The following EXPH5 variants were observed in gnomAD, a reference collection of about 807,000 sequenced individuals.
EXPH5 encodes exophilin-5.
A neutral mutation model predicts 41.1 loss-of-function variants in EXPH5; 42 were observed. That is an observed-to-expected ratio of 1.02 (90% CI 0.80 to 1.32). The LOEUF (loss-of-function observed/expected upper bound fraction) is 1.32, where lower values mean the gene tolerates loss of function less well. Among genes scored for constraint, EXPH5 ranks in the 40% most tolerant of loss-of-function variants. The pLI, the probability that EXPH5 is intolerant of heterozygous loss-of-function variation, is 0.00. For synonymous variants in EXPH5, 798 were observed against 833.5 expected (o/e 0.96, Z 0.73); for missense variants, 2,298 against 2,314.5 (o/e 0.99, Z 0.15).
intron 5 of EXPH5, among the ~76,000 whole-genome samples, chr11:108,516,300 C>T (rs887063266): frequency 1.2e-4 from 19 of 152,066 alleles, no homozygotes; most frequent in Admixed American, 3.9e-4. Flanking sequence ...CAAGCCCAGA[C>T]CCAGGGCTCA....
chr11:108,561,405 T>C (rs2094011175), intron 1 of EXPH5, among the ~76,000 whole-genome samples: 1 of 152,172 alleles, frequency 6.6e-6, no homozygotes, highest in African/African-American at 2.4e-5. Flanking sequence ...TCTATTCTCT[T>C]TGCCAACACC....
At chr11:108,531,823 TC>T (rs2093839850) in intron 3 of EXPH5, among the ~76,000 whole-genome samples, 1 of 152,178 alleles carries the variant, frequency 6.6e-6, no homozygotes, top group Non-Finnish European at 1.5e-5. Context: ...TCGCAGTCCT[TC>T]CTATCCACCT....
intron 3 of EXPH5, 55 bp from the exon 4 acceptor site, chr11:108,528,239 C>G (rs773995500): frequency 7.9e-7 from 1 of 1,266,232 alleles, no homozygotes; most frequent in East Asian, 2.3e-5. Flanking sequence ...TTTTACCAGG[C>G]GGAAAAATCA....
chr11:108,598,546 T>C (rs561383276), upstream of EXPH5, among the ~76,000 whole-genome samples: 1 of 152,010 alleles, frequency 6.6e-6, no homozygotes, highest in East Asian at 1.9e-4. Flanking sequence ...CAGAGTGATA[T>C]GGTGGAGAGT....
chr11:108,572,018 C>T (rs1484350939), intron 1 of EXPH5, among the ~76,000 whole-genome samples: 1 of 151,254 alleles, frequency 6.6e-6, no homozygotes, highest in Non-Finnish European at 1.5e-5. Flanking sequence ...CCACTGCACT[C>T]CAGCCTGGGT....
intron 1 of EXPH5, among the ~76,000 whole-genome samples, chr11:108,566,311 T>C (rs1483484265): frequency 6.6e-6 from 1 of 152,050 alleles, no homozygotes; most frequent in Non-Finnish European, 1.5e-5. Flanking sequence ...CATTCCCCAA[T>C]GGATGAGTGG....
chr11:108,514,818 G>A lies in EXPH5; in HGVS notation c.689C>T (p.Thr230Ile), dbSNP rs958745690. Reference sequence around the variant, plus strand: ...TGATCCATAGTTGAGGGGTGTTCTGGTATTCACTGAGCTTGCAGACTGTTC... The same window carrying A: ...TGATCCATAGTTGAGGGGTGTTCTGATATTCACTGAGCTTGCAGACTGTTC... ...AQEQSASSVN[T>I]RTPLNYGSRT... Residue 230 changes from threonine (T) to isoleucine (I), a missense_variant, in exon 6 of 6, where the codon ACC becomes ATC. Thr to Ile is a moderately conservative substitution (Grantham distance 89). Coordinates refer to ENST00000265843, the MANE Select transcript of EXPH5 (RefSeq NM_015065.3). 5.1e-6 allele frequency: 8 copies of A among 1,573,214 alleles called. No homozygotes were observed. The highest frequency in any genetic ancestry group is 1.7e-4 in the Middle Eastern group (1 of 5,896).
intron 1 of EXPH5, among the ~76,000 whole-genome samples, chr11:108,578,731 T>C (rs915453684): frequency 3.3e-5 from 5 of 152,338 alleles, no homozygotes; most frequent in African/African-American, 9.6e-5. Context: ...ATAGTTTTCA[T>C]TGTAGAGATC....
At chr11:108,581,798 C>T (rs994473637) in intron 1 of EXPH5, among the ~76,000 whole-genome samples, 1 of 151,902 alleles carries the variant, frequency 6.6e-6, no homozygotes, top group African/African-American at 2.4e-5. Context: ...ATTATCAATA[C>T]CAGGAATGAA....
At position 108,593,432 on chromosome 11, in the gene EXPH5, C is replaced by G; in HGVS notation, c.105G>C (p.Glu35Asp). 1 of 1,613,980 alleles carries G rather than the reference C, an allele frequency of 6.2e-7. No homozygotes were observed. The highest frequency in any genetic ancestry group is 8.5e-7 in the Non-Finnish European group (1 of 1,179,802). The change falls in exon 1 of 6, where the codon GAG (glutamate) becomes GAC (aspartate). Residue 35 changes from glutamate (E) to aspartate (D), a missense_variant. Physicochemically the swap from Glu to Asp is conservative, Grantham distance 45. Coordinates refer to ENST00000265843, the MANE Select transcript of EXPH5 (RefSeq NM_015065.3). Reference protein sequence around the residue: ...LERNEELQRAEKDRISKLQKT... With the variant: ...LERNEELQRADKDRISKLQKT... ...TTGCTCTGTACCTGATCCTGTCCTT[C>G]TCGGCCCTCTGTAACTCCTCATTCC...
At chr11:108,604,284 T>C in the EXPH5 span, among the ~76,000 whole-genome samples, 6 of 150,764 alleles carry the variant, frequency 4.0e-5, no homozygotes, top group Middle Eastern at 3.2e-3. Context: ...TAGTCCCAGC[T>C]ACTTAGGTGG....
intron 1 of EXPH5, among the ~76,000 whole-genome samples, chr11:108,566,661 TG>T (rs1299122756): frequency 6.6e-6 from 1 of 152,036 alleles, no homozygotes; most frequent in Non-Finnish European, 1.5e-5. Flanking sequence ...AAGAATGGCC[TG>T]GGCAACATGG....
At chr11:108,566,252 T>C (rs2094033977) in intron 1 of EXPH5, among the ~76,000 whole-genome samples, 2 of 152,134 alleles carry the variant, frequency 1.3e-5, no homozygotes, top group Non-Finnish European at 1.5e-5. Context: ...GGGAATAAAC[T>C]CCACTAAGGC....
chr11:108,514,485 C>T lies in EXPH5; in HGVS notation c.1022G>A (p.Ser341Asn), dbSNP rs1213695838. ...LPATGHFTAR[S>N]LHFPATTQSK... ...CTGAGTTGTGGCTGGAAAATGTAAG[C>T]TTCTTGCTGTGAAATGCCCTGTGGC... is the stretch of plus-strand genomic sequence containing the variant. Residue 341 changes from serine (S) to asparagine (N), a missense_variant, in exon 6 of 6, where the codon AGC becomes AAC. Coordinates refer to ENST00000265843, the MANE Select transcript of EXPH5 (RefSeq NM_015065.3). The T allele has an allele frequency of 4.3e-6, 7 of 1,612,752 alleles. No individual in the cohort carries two copies. Among genetic ancestry groups the T allele is most frequent in the African/African-American group, 4.0e-5 (3 of 74,916 alleles).
chr11:108,510,136 G>A lies in EXPH5; in HGVS notation c.5371C>T (p.Leu1791Phe), dbSNP rs1380212993. 2 of 1,613,912 alleles carry A rather than the reference G, an allele frequency of 1.2e-6. No homozygotes were observed. Among genetic ancestry groups the A allele is most frequent in the East Asian group, 2.2e-5 (1 of 44,874 alleles). The change falls in exon 6 of 6, where the codon CTC (leucine) becomes TTC (phenylalanine). Residue 1791 changes from leucine (L) to phenylalanine (F), a missense_variant. Physicochemically the swap from Leu to Phe is conservative, Grantham distance 22. Transcript: ENST00000265843. ...CTTTTTAAACTCTTTGAACGATAGA[G>A]GTGTGGCTCAGGTTCCCACTCCAGA... ...SSLEWEPEPH[L>F]YRSKSLKSIN...
intron 2 of EXPH5, 51 bp downstream of exon 2, chr11:108,541,596 AATACT>A: frequency 8.0e-7 from 1 of 1,256,008 alleles, no homozygotes; most frequent in Non-Finnish European, 1.1e-6. Flanking sequence ...CATTATCTAC[AATACT>A]ATGCCACAGA....
intron 4 of EXPH5, among the ~76,000 whole-genome samples, chr11:108,519,144 C>T (rs1207951683): frequency 6.6e-6 from 1 of 152,142 alleles, no homozygotes; most frequent in Admixed American, 6.5e-5. Context: ...CTTTCTTGTG[C>T]GAGATCCAAG....
At chr11:108,570,622 C>G (rs1046309378) in intron 1 of EXPH5, among the ~76,000 whole-genome samples, 2 of 152,170 alleles carry the variant, frequency 1.3e-5, no homozygotes, top group African/African-American at 4.8e-5. Flanking sequence ...CAGCTCACTG[C>G]AATTTCAAAC....
In EXPH5 at chr11:108,593,581, CT is replaced by C; in HGVS notation, c.-46del. 1 of 1,613,548 alleles carries C rather than the reference CT, an allele frequency of 6.2e-7. No homozygotes were observed. The highest frequency in any genetic ancestry group is 8.5e-7 in the Non-Finnish European group (1 of 1,179,796). On this transcript the variant is annotated 5_prime_UTR_variant, in exon 1 of 6. Transcript: ENST00000265843. Reference sequence around the variant, plus strand: ...TTACACTTAAGCTCCTTGGCGCCTCCTGTTAGGAAGGCATTTTTCAACCTGT... The same window carrying C: ...TTACACTTAAGCTCCTTGGCGCCTCCGTTAGGAAGGCATTTTTCAACCTGT...
Sources: allele counts gnomAD v4.1 joint callset (sites outside exome capture counted in the v4.1 genomes callset), GRCh38; gene constraint gnomAD v4.1.1; transcripts MANE v1.5; gene names NCBI Gene and HGNC (gene_info 2026-07-23, HGNC 2026-07-21).